The following CCDC148 variants were observed in gnomAD, a reference collection of about 807,000 sequenced individuals.
CCDC148 encodes the protein coiled-coil domain containing 148.
In CCDC148, 89 loss-of-function variants were observed where a neutral mutation model predicts 85.7. The observed-to-expected ratio is 1.04, with a 90% CI of 0.87 to 1.24. CCDC148 has a LOEUF of 1.24. Among genes scored for constraint, CCDC148 ranks in the 50% most tolerant of loss-of-function variants. CCDC148 has a pLI of 0.00. For synonymous variants in CCDC148, 230 were observed against 213.9 expected (o/e 1.08, Z -0.66); for missense variants, 692 against 671.7 (o/e 1.03, Z -0.33).
chr2:158,218,131 A>T (rs1686987406), intron 11 of CCDC148, among the ~76,000 whole-genome samples: 1 of 152,184 alleles, frequency 6.6e-6, no homozygotes, highest in South Asian at 2.1e-4. Flanking sequence ...GGCCTTTTTC[A>T]CTGATTTTCC....
chr2:158,223,707 C>A lies in CCDC148; in HGVS notation c.1252-2994G>T, dbSNP rs561085192. 5.6e-4 allele frequency among the ~76,000 whole-genome samples: 85 copies of A among 152,304 alleles called. 3 individuals carry two copies. In the South Asian group the frequency reaches 0.017, roughly 30 times the overall value. On this transcript the variant is annotated intron_variant, in intron 10 of 13. Transcript: ENST00000283233. ...CCTCGTCTGCTGATACCCAGGCAAA[C>A]AGGGTCTGGAGTGGACCTCCAGCAA...
chr2:158,251,593 C>A (rs1226587764), intron 9 of CCDC148, among the ~76,000 whole-genome samples: 1 of 151,762 alleles, frequency 6.6e-6, no homozygotes, highest in Non-Finnish European at 1.5e-5. Context: ...GGAATGTGCA[C>A]TACAGTGCTG....
chr2:158,282,451 T>A (rs1298777102), intron 9 of CCDC148, among the ~76,000 whole-genome samples: 3 of 152,180 alleles, frequency 2.0e-5, no homozygotes, highest in Non-Finnish European at 2.9e-5. Flanking sequence ...AAAATCAATG[T>A]ACAAAAATCA....
chr2:158,203,045 G>C (rs545894218), intron 11 of CCDC148, among the ~76,000 whole-genome samples: 56 of 152,198 alleles, frequency 3.7e-4, no homozygotes, highest in Non-Finnish European at 6.2e-4. Context: ...GCTGCTGTAA[G>C]TAGGGAGGCT....
At chr2:158,225,447 A>C (rs1245340552) in intron 10 of CCDC148, among the ~76,000 whole-genome samples, 5 of 152,142 alleles carry the variant, frequency 3.3e-5, no homozygotes, top group Non-Finnish European at 5.9e-5. Context: ...GCTCTGCACC[A>C]AGCAGAACTA....
chr2:158,427,887 G>A (rs1027505267), intron 1 of CCDC148, among the ~76,000 whole-genome samples: 1 of 152,072 alleles, frequency 6.6e-6, no homozygotes, highest in Admixed American at 6.6e-5. Context: ...AGAAGGAAGT[G>A]GGGCATTTTC....
At chr2:158,309,321 G>T in intron 9 of CCDC148, 112 bp downstream of exon 9, 1 of 849,906 alleles carries the variant, frequency 1.2e-6, no homozygotes, top group Non-Finnish European at 1.8e-6. Flanking sequence ...TTTATTAAAG[G>T]TAGGCTTTTG....
At chr2:158,351,176 T>G (rs1333306374) in intron 2 of CCDC148, among the ~76,000 whole-genome samples, 2 of 152,138 alleles carry the variant, frequency 1.3e-5, no homozygotes, top group Non-Finnish European at 2.9e-5. Flanking sequence ...AAACACTGAC[T>G]CCTCTCCCTC....
chr2:158,398,274 GACCT>G (rs1325878788), intron 1 of CCDC148, among the ~76,000 whole-genome samples: 1 of 152,068 alleles, frequency 6.6e-6, no homozygotes, highest in Non-Finnish European at 1.5e-5. Flanking sequence ...GGACCAAGCA[GACCT>G]AATAGACATC....
chr2:158,291,083 C>T (rs1690871913), intron 9 of CCDC148, among the ~76,000 whole-genome samples: 2 of 151,938 alleles, frequency 1.3e-5, no homozygotes, highest in Non-Finnish European at 2.9e-5. Flanking sequence ...ATCGCTGCCC[C>T]TAACGTTCCC....
chr2:158,280,672 A>G (rs1690238515), intron 9 of CCDC148, among the ~76,000 whole-genome samples: 1 of 152,214 alleles, frequency 6.6e-6, no homozygotes, highest in Non-Finnish European at 1.5e-5. Flanking sequence ...CCACACATTA[A>G]TAACGGGAGA....
At chr2:158,296,326 T>C (rs539168528) in intron 9 of CCDC148, among the ~76,000 whole-genome samples, 37 of 152,330 alleles carry the variant, frequency 2.4e-4, no homozygotes, top group African/African-American at 8.9e-4. Flanking sequence ...TTCATAGGAC[T>C]ACCCTTTCTT....
intron 12 of CCDC148, chr2:158,177,929 C>T (rs1298441498): frequency 6.6e-6 from 1 of 152,058 alleles, no homozygotes; most frequent in East Asian, 1.9e-4. Flanking sequence ...TTGCCCACGT[C>T]ATAAAGTTGT....
intron 8 of CCDC148, 123 bp from the exon 9 acceptor site, chr2:158,309,762 T>C (rs1691886402): frequency 1.5e-5 from 11 of 752,998 alleles, no homozygotes; most frequent in South Asian, 1.9e-5. Context: ...TGGGGACAAA[T>C]ATTTAATCGT....
chr2:158,405,218 C>A (rs1685947913), intron 1 of CCDC148, among the ~76,000 whole-genome samples: 2 of 152,106 alleles, frequency 1.3e-5, no homozygotes, highest in Admixed American at 1.3e-4. Context: ...TGTATACATT[C>A]TGACATTTTA....
Position 158,171,108 on chromosome 2 carries a change from T to G in CCDC148, c.*1005A>C, listed in dbSNP as rs1410894538. ...AGATTTATTCTAACGGGACTGTACT[T>G]GTATTTTTTATTTCCATGATGTTGG... is the stretch of plus-strand genomic sequence containing the variant. On this transcript the variant is annotated 3_prime_UTR_variant, in exon 14 of 14. Transcript: ENST00000283233. 2 of 152,006 alleles carry G rather than the reference T, an allele frequency of 1.3e-5. No individual in the cohort carries two copies. Among genetic ancestry groups the G allele is most frequent in the Non-Finnish European group, 2.9e-5 (2 of 67,960 alleles). 9.4% of individuals were successfully genotyped at this position (152,006 alleles called of 1,614,324 possible). A position where few individuals can be genotyped will look rare whatever the true frequency, so the allele number is the denominator to read the frequency against.
intron 1 of CCDC148, among the ~76,000 whole-genome samples, chr2:158,419,760 C>A (rs1423918778): frequency 6.6e-6 from 1 of 152,132 alleles, no homozygotes; most frequent in African/African-American, 2.4e-5. Flanking sequence ...CCTCTACAAG[C>A]CCATTTCCCT....
At chr2:158,384,207 T>C (rs779003750) in intron 1 of CCDC148, among the ~76,000 whole-genome samples, 3 of 152,230 alleles carry the variant, frequency 2.0e-5, no homozygotes, top group Non-Finnish European at 2.9e-5. Flanking sequence ...ACTATAAAGG[T>C]ACCTTTCTTC....
intron 9 of CCDC148, among the ~76,000 whole-genome samples, chr2:158,308,316 C>T (rs890226861): frequency 2.0e-5 from 3 of 152,186 alleles, no homozygotes; most frequent in Non-Finnish European, 4.4e-5. Flanking sequence ...AATACAATAA[C>T]TTGTCATGGC....
Sources: gnomAD v4.1 joint callset for allele counts (sites outside exome capture counted in the v4.1 genomes callset) on GRCh38, gnomAD v4.1.1 for gene constraint, MANE v1.5 for transcripts, NCBI Gene and HGNC (gene_info 2026-07-23, HGNC 2026-07-21) for gene names.